RSBN1L: variants seen among roughly 807,000 people sequenced by gnomAD.
RSBN1L encodes round spermatid basic protein 1 like.
A neutral mutation model predicts 67.7 loss-of-function variants in RSBN1L; 30 were observed. The ratio of observed to expected loss-of-function variants is 0.44; its 90% CI spans 0.33 to 0.60. RSBN1L has a LOEUF of 0.60. Ranked by LOEUF, RSBN1L falls within the 20% of genes least tolerant of loss-of-function variation. The pLI is 0.02. For missense variants in RSBN1L, 992 were observed against 1,031.7 expected, an observed-to-expected ratio of 0.96 and a Z score of 0.53; for synonymous variants, 433 against 387.0, an observed-to-expected ratio of 1.12 and a Z score of -1.39.
intron 1 of RSBN1L, among the ~76,000 whole-genome samples, chr7:77,706,928 G>A (rs777232923): frequency 6.6e-6 from 1 of 151,778 alleles, no homozygotes; most frequent in Admixed American, 6.6e-5. Flanking sequence ...TAATGATACT[G>A]TGTATAATTT....
intron 1 of RSBN1L, among the ~76,000 whole-genome samples, chr7:77,709,925 T>G (rs1023005657): frequency 5.3e-5 from 8 of 152,214 alleles, no homozygotes; most frequent in Non-Finnish European, 8.8e-5. Flanking sequence ...ACTTTTAGTC[T>G]TCTTTATCCA....
intron 1 of RSBN1L, among the ~76,000 whole-genome samples, chr7:77,712,054 G>A (rs1046078074): frequency 1.0e-5 from 1 of 96,842 alleles, no homozygotes; most frequent in Admixed American, 9.1e-5. Context: ...TTTTATAATT[G>A]TATGTTTTTT....
chr7:77,722,739 A>G (rs941462317), intron 1 of RSBN1L, among the ~76,000 whole-genome samples: 1 of 151,772 alleles, frequency 6.6e-6, no homozygotes, highest in African/African-American at 2.4e-5. Flanking sequence ...CTAGCCATAC[A>G]TTATTCCTGG....
intron 1 of RSBN1L, among the ~76,000 whole-genome samples, chr7:77,714,455 C>T (rs1371350948): frequency 2.6e-5 from 4 of 152,168 alleles, no homozygotes; most frequent in Non-Finnish European, 2.9e-5. Context: ...TTGAATCATA[C>T]ACTAGCTTTT....
At chr7:77,719,315 A>G (rs1287641085) in intron 1 of RSBN1L, among the ~76,000 whole-genome samples, 1 of 152,242 alleles carries the variant, frequency 6.6e-6, no homozygotes, top group Non-Finnish European at 1.5e-5. Flanking sequence ...AGTGTAACTA[A>G]GAGTATATAA....
chr7:77,751,267 G>A (rs1791553058), intron 3 of RSBN1L, among the ~76,000 whole-genome samples: 1 of 152,022 alleles, frequency 6.6e-6, no homozygotes, highest in South Asian at 2.1e-4. Context: ...AGCCTCCCAA[G>A]TAGCTGGAAT....
At chr7:77,754,715 C>A (rs1043725408) in intron 3 of RSBN1L, among the ~76,000 whole-genome samples, 2 of 152,044 alleles carry the variant, frequency 1.3e-5, no homozygotes, top group Non-Finnish European at 2.9e-5. Flanking sequence ...AGTAATTAGC[C>A]ATGGCACTAT....
At chr7:77,774,862 A>C (rs115453094) in intron 6 of RSBN1L, among the ~76,000 whole-genome samples, 3,033 of 152,150 alleles carry the variant, frequency 0.02, 83 homozygotes, top group African/African-American at 0.069. Context: ...AGCCATTAAA[A>C]ATTTTTTTTT....
chr7:77,696,645 A>G lies in RSBN1L; in HGVS notation c.176A>G (p.Glu59Gly), dbSNP rs1166834639. 2 of 1,613,644 alleles carry G rather than the reference A, an allele frequency of 1.2e-6. No homozygotes were observed. The highest frequency in any genetic ancestry group is 2.7e-5 in the African/African-American group (2 of 74,930). The change falls in exon 1 of 8, where the codon GAA becomes GGA. Residue 59 changes from glutamate (E) to glycine (G), a missense_variant. Around this residue, in one of 7 missense-constraint regions of RSBN1L, gnomAD observed 575 missense variants for 483.2 expected, o/e 1.19. Coordinates refer to ENST00000334955, the MANE Select transcript of RSBN1L (RefSeq NM_198467.3). ...EKKAPRRVNGEGGSGGNSRQL... is the reference protein window; with the variant it reads ...EKKAPRRVNGGGGSGGNSRQL... ...AAGGCACCGCGGAGAGTGAACGGAG[A>G]AGGGGGCAGCGGCGGGAACAGCAGG...
chr7:77,739,711 G>GAA (rs1158112982), intron 2 of RSBN1L, among the ~76,000 whole-genome samples: 29 of 34,410 alleles, frequency 8.4e-4, no homozygotes, highest in South Asian at 4.9e-3. Flanking sequence ...TTGGTCTCAG[G>GAA]AAAAAAAAAA....
intron 3 of RSBN1L, among the ~76,000 whole-genome samples, chr7:77,755,031 G>C (rs56111978): frequency 0.23 from 34,544 of 152,062 alleles, 4,248 homozygotes; most frequent in South Asian, 0.29. Context: ...TATTTTGGTG[G>C]TGTCAAGTGG....
At chr7:77,735,050 A>T (rs1395209840) in intron 1 of RSBN1L, among the ~76,000 whole-genome samples, 2 of 151,046 alleles carry the variant, frequency 1.3e-5, no homozygotes, top group African/African-American at 4.9e-5. Context: ...GAGTGTTATC[A>T]CTTGAAAAAA....
At chr7:77,712,484 G>A (rs923402094) in intron 1 of RSBN1L, among the ~76,000 whole-genome samples, 2 of 151,910 alleles carry the variant, frequency 1.3e-5, no homozygotes, top group African/African-American at 4.8e-5. Context: ...TCACGATGTT[G>A]GCCAGGCTGG....
At chr7:77,755,558 C>G (rs773168467) in intron 3 of RSBN1L, among the ~76,000 whole-genome samples, 1 of 151,982 alleles carries the variant, frequency 6.6e-6, no homozygotes, top group Non-Finnish European at 1.5e-5. Context: ...CCCAGCTTCT[C>G]GGGAGGCTGA....
At chr7:77,754,082 G>A (rs1022514996) in intron 3 of RSBN1L, among the ~76,000 whole-genome samples, 19 of 152,138 alleles carry the variant, frequency 1.2e-4, no homozygotes, top group African/African-American at 4.3e-4. Flanking sequence ...CTATCAGCCA[G>A]GCTAGAGTGC....
rs1791998869 is a variant in RSBN1L at position 77,781,625 on chromosome 7, A to G, written c.*2457A>G. 1 of 152,212 alleles carries G rather than the reference A, an allele frequency of 6.6e-6. No individual in the cohort carries two copies. The highest frequency in any genetic ancestry group is 1.5e-5 in the Non-Finnish European group (1 of 68,028). 9.4% of individuals were successfully genotyped at this position (152,212 alleles called of 1,614,324 possible). A position where few individuals can be genotyped will look rare whatever the true frequency, so the allele number is the denominator to read the frequency against. On this transcript the variant is annotated 3_prime_UTR_variant, in exon 8 of 8. Transcript: ENST00000334955. The stretch of plus-strand genomic sequence containing the variant: ...TCTAAAAACCATAGTGGTTGCTTTT[A>G]GGTATAGTTTCCTATATAACCTATA...
chr7:77,740,409 T>C (rs1333905037), intron 2 of RSBN1L, among the ~76,000 whole-genome samples: 1 of 152,150 alleles, frequency 6.6e-6, no homozygotes, highest in Non-Finnish European at 1.5e-5. Context: ...AGAATGAGGG[T>C]TGAAAGAAGC....
intron 1 of RSBN1L, among the ~76,000 whole-genome samples, chr7:77,723,641 A>G (rs1218023358): frequency 1.3e-5 from 2 of 151,942 alleles, no homozygotes; most frequent in Non-Finnish European, 2.9e-5. Context: ...GTTAATTTAA[A>G]AAGAATTTTT....
intron 3 of RSBN1L, among the ~76,000 whole-genome samples, chr7:77,751,878 G>A (rs115068232): frequency 0.02 from 3,067 of 152,100 alleles, 86 homozygotes; most frequent in African/African-American, 0.068. Context: ...TCCCATTCCC[G>A]GTTATTTCCA....
Sources: gnomAD v4.1 joint callset for allele counts (sites outside exome capture counted in the v4.1 genomes callset) on GRCh38, gnomAD v4.1.1 for gene constraint, gnomAD v4.1.1 regional missense constraint, MANE v1.5 for transcripts, NCBI Gene and HGNC (gene_info 2026-07-23, HGNC 2026-07-21) for gene names.